Variants in CFAP299 observed in about 807,000 individuals in gnomAD.
The protein encoded by CFAP299 is cilia and flagella associated protein 299.
Under a neutral mutation model 27.0 loss-of-function variants are expected in CFAP299, and 21 were observed. That is an observed-to-expected ratio of 0.78 (90% CI 0.55 to 1.12). CFAP299 has a LOEUF of 1.12. CFAP299 is among the 50% of genes most tolerant of loss of function. CFAP299 has a pLI of 0.00. For missense variants in CFAP299, 310 were observed against 276.6 expected (o/e 1.12, Z -0.86); for synonymous variants, 104 against 98.1 (o/e 1.06, Z -0.36).
intron 3 of CFAP299, among the ~76,000 whole-genome samples, chr4:80,832,154 G>T (rs1178435286): frequency 1.3e-5 from 2 of 151,970 alleles, no homozygotes; most frequent in Non-Finnish European, 2.9e-5. Flanking sequence ...TCTCCCCTGG[G>T]GCTAACCTCT....
intron 3 of CFAP299, among the ~76,000 whole-genome samples, chr4:80,740,129 T>C (rs954489143): frequency 2.6e-5 from 4 of 152,234 alleles, no homozygotes; most frequent in South Asian, 2.1e-4. Context: ...AAAGGTCATA[T>C]AACTCCATTT....
chr4:80,453,116 T>C (rs1728977564), intron 2 of CFAP299, among the ~76,000 whole-genome samples: 1 of 152,172 alleles, frequency 6.6e-6, no homozygotes, highest in East Asian at 1.9e-4. Context: ...CATTATCACG[T>C]TTCATATGAT....
At chr4:80,689,537 A>G (rs1228213217) in intron 3 of CFAP299, among the ~76,000 whole-genome samples, 1 of 152,220 alleles carries the variant, frequency 6.6e-6, no homozygotes, top group Non-Finnish European at 1.5e-5. Context: ...GAGCTCCTGA[A>G]GGAAGTGCTA....
At chr4:80,507,511 A>G (rs1022243988) in intron 2 of CFAP299, among the ~76,000 whole-genome samples, 5 of 151,852 alleles carry the variant, frequency 3.3e-5, no homozygotes, top group Admixed American at 2.6e-4. Flanking sequence ...GTTTAGAAGC[A>G]TTGCTTTCTT....
chr4:80,916,946 A>G (rs144382408), intron 4 of CFAP299, among the ~76,000 whole-genome samples: 5 of 152,322 alleles, frequency 3.3e-5, no homozygotes, highest in African/African-American at 1.2e-4. Context: ...TAAGTAATCT[A>G]GGAGTTACTC....
chr4:80,933,186 CTTTT>C (rs1736713752), intron 4 of CFAP299, among the ~76,000 whole-genome samples: 2 of 138,174 alleles, frequency 1.4e-5, no homozygotes, highest in South Asian at 4.7e-4. Flanking sequence ...TTCTTTCTTT[CTTTT>C]CTTTTGAGAA....
intron 3 of CFAP299, among the ~76,000 whole-genome samples, chr4:80,829,698 A>C (rs1183647561): frequency 6.6e-6 from 1 of 152,114 alleles, no homozygotes; most frequent in African/African-American, 2.4e-5. Flanking sequence ...TTGGCAAATA[A>C]GTGGATAAAC....
intron 2 of CFAP299, chr4:80,386,518 G>GTC: frequency 1.3e-6 from 2 of 1,492,040 alleles, no homozygotes; most frequent in African/African-American, 2.9e-5. Flanking sequence ...GTGGTGGGGG[G>GTC]GGGGGGTGCC....
At chr4:80,611,959 A>G (rs1241658546) in intron 3 of CFAP299, among the ~76,000 whole-genome samples, 4 of 152,112 alleles carry the variant, frequency 2.6e-5, no homozygotes, top group Non-Finnish European at 5.9e-5. Flanking sequence ...TAAATTTTCT[A>G]ATGCTGAACC....
At chr4:80,906,605 G>A (rs1470342826) in intron 4 of CFAP299, among the ~76,000 whole-genome samples, 3 of 152,172 alleles carry the variant, frequency 2.0e-5, no homozygotes, top group Admixed American at 1.3e-4. Context: ...AATCTAGGTG[G>A]ACATTCCCAA....
At chr4:80,448,857 A>AT (rs1418817010) in intron 2 of CFAP299, among the ~76,000 whole-genome samples, 2 of 152,160 alleles carry the variant, frequency 1.3e-5, no homozygotes, top group African/African-American at 4.8e-5. Flanking sequence ...CTTACCAAAC[A>AT]TTTTTCTAAA....
chr4:80,410,710 TAATTATC>T (rs1578413178), intron 2 of CFAP299, among the ~76,000 whole-genome samples: 1 of 152,232 alleles, frequency 6.6e-6, no homozygotes, highest in East Asian at 1.9e-4. Flanking sequence ...AGCATTGCAT[TAATTATC>T]TCACTTATCA....
At chr4:80,508,194 G>T (rs1396377059) in intron 2 of CFAP299, among the ~76,000 whole-genome samples, 1 of 152,066 alleles carries the variant, frequency 6.6e-6, no homozygotes, top group Non-Finnish European at 1.5e-5. Context: ...CTATGTTTTT[G>T]ATTTTTAAAT....
chr4:80,485,811 A>G (rs1730791029), intron 2 of CFAP299, among the ~76,000 whole-genome samples: 1 of 152,172 alleles, frequency 6.6e-6, no homozygotes, highest in South Asian at 2.1e-4. Context: ...CATACGTAGT[A>G]AAGGCCCTTT....
chr4:80,741,269 G>A (rs915099347), intron 3 of CFAP299, among the ~76,000 whole-genome samples: 1 of 152,134 alleles, frequency 6.6e-6, no homozygotes, highest in Non-Finnish European at 1.5e-5. Flanking sequence ...TTGTTTTTGA[G>A]ATGGAGTCTT....
At chr4:80,787,937 G>A (rs562303827) in intron 3 of CFAP299, among the ~76,000 whole-genome samples, 10 of 151,868 alleles carry the variant, frequency 6.6e-5, no homozygotes, top group South Asian at 2.1e-4. Flanking sequence ...TAAGTTGTGC[G>A]TTCCCCTCTA....
intron 2 of CFAP299, among the ~76,000 whole-genome samples, chr4:80,424,379 C>T (rs1373706767): frequency 1.3e-5 from 2 of 152,144 alleles, no homozygotes; most frequent in African/African-American, 4.8e-5. Context: ...TTATTGTTTA[C>T]ATTTTTCTGC....
At chr4:80,388,387 C>T (rs1163687993) in intron 2 of CFAP299, 11 of 689,862 alleles carry the variant, frequency 1.6e-5, no homozygotes, top group East Asian at 5.1e-5. Context: ...TGGCAGGAGG[C>T]GAGGCCTGCT....
intron 5 of CFAP299, among the ~76,000 whole-genome samples, chr4:80,947,329 T>G (rs1737528260): frequency 6.6e-6 from 1 of 152,178 alleles, no homozygotes. Flanking sequence ...TCTTTAAATT[T>G]TAATTTTATC....
Sources: gnomAD v4.1 joint callset for allele counts (sites outside exome capture counted in the v4.1 genomes callset) on GRCh38, gnomAD v4.1.1 for gene constraint, MANE v1.5 for transcripts, NCBI Gene and HGNC (gene_info 2026-07-23, HGNC 2026-07-21) for gene names.